Variants in SH3BP4 observed in about 807,000 individuals in gnomAD.
The protein encoded by SH3BP4 is SH3 domain binding protein 4.
Under a neutral mutation model 65.5 loss-of-function variants are expected in SH3BP4, and 33 were observed. The observed-to-expected ratio is 0.50, with a 90% confidence interval of 0.38 to 0.67. SH3BP4 has a LOEUF of 0.67. Ranked by LOEUF, SH3BP4 falls within the 30% of genes least tolerant of loss-of-function variation. The probability of loss-of-function intolerance (pLI) is 0.00; values close to 1 mark genes in which losing one functional copy is unlikely to be tolerated. For missense variants in SH3BP4, 1,134 were observed against 1,261.4 expected (o/e 0.90, Z 1.53); for synonymous variants, 552 against 545.5 (o/e 1.01, Z -0.17).
Position 234,976,558 on chromosome 2 carries a change from G to A in SH3BP4, c.-206-18745G>A, listed in dbSNP as rs921683634. Among the ~76,000 whole-genome samples the A allele has an allele frequency of 1.6e-4, 25 of 152,204 alleles. No homozygotes were observed. The highest frequency in any genetic ancestry group is 8.3e-4 in the South Asian group (4 of 4,812). On this transcript the variant is annotated intron_variant, in intron 1 of 5. Transcript: ENST00000392011. This position sits in a 1 kb window ranked among gnomAD's most constrained non-coding sequence, Gnocchi z 4.7. ...TAAATACAGAAGCCGATGTTTACCC[G>A]CCTCTGGTAGCGGACATAGGGGCAT... is the stretch of plus-strand genomic sequence containing the variant.
At position 234,977,386 on chromosome 2, in the gene SH3BP4, C is replaced by G. The variant is rs1217196525; in HGVS notation, c.-206-17917C>G. 6.6e-6 allele frequency among the ~76,000 whole-genome samples: 1 copy of G among 152,240 alleles called. No homozygotes were observed. Among genetic ancestry groups the G allele is most frequent in the African/African-American group, 2.4e-5 (1 of 41,458 alleles). On this transcript the variant is annotated intron_variant, in intron 1 of 5. Transcript: ENST00000392011. This position sits in a 1 kb window ranked among gnomAD's most constrained non-coding sequence, Gnocchi z 5.1. ...CCAACAGCACATCCTTTGTTCTCTCCAGCCCAGACGTGTAGAGGTGAGCCA... is the reference window on the plus strand; with the variant it reads ...CCAACAGCACATCCTTTGTTCTCTCGAGCCCAGACGTGTAGAGGTGAGCCA...
Position 235,041,988 on chromosome 2 carries a change from A to G in SH3BP4, c.1219A>G (p.Ser407Gly). The G allele has an allele frequency of 1.2e-6, 2 of 1,613,348 alleles. No individual in the cohort carries two copies. Among genetic ancestry groups the G allele is most frequent in the Non-Finnish European group, 8.5e-7 (1 of 1,179,408 alleles). The change falls in exon 4 of 6, where the codon AGC becomes GGC. Residue 407 changes from serine to glycine, a missense_variant. Physicochemically the swap from Ser to Gly is moderately conservative, Grantham distance 56. Coordinates refer to ENST00000392011, the MANE Select transcript of SH3BP4 (RefSeq NM_014521.3). This position sits in a 1 kb window ranked among gnomAD's most constrained non-coding sequence, Gnocchi z 6.0. The part of the protein sequence containing the change: ...VSAEIKNDLF[S>G]KSTVGLQCLR... ...AGCCGAGATAAAAAATGACCTTTTT[A>G]GCAAAAGCACAGTGGGCCTCCAGTG...
chr2:235,017,808 G>A (rs1559245716), intron 2 of SH3BP4, among the ~76,000 whole-genome samples: 1 of 152,136 alleles, frequency 6.6e-6, no homozygotes, highest in Non-Finnish European at 1.5e-5. Flanking sequence ...CATTAAATCT[G>A]TAATGAATTA....
At chr2:235,024,113 A>AATTC (rs1340274251) in intron 2 of SH3BP4, among the ~76,000 whole-genome samples, 2 of 152,316 alleles carry the variant, frequency 1.3e-5, no homozygotes, top group East Asian at 3.9e-4. Flanking sequence ...TCAGTAAGGA[A>AATTC]ATTCATTCAT....
intron 1 of SH3BP4, among the ~76,000 whole-genome samples, chr2:234,954,586 T>C (rs1203048228): frequency 3.3e-5 from 5 of 152,196 alleles, no homozygotes. Context: ...CTTCCTGGCT[T>C]TTCTCCCTTG....
chr2:234,993,112 T>C (rs1693803695), intron 1 of SH3BP4, among the ~76,000 whole-genome samples: 1 of 152,210 alleles, frequency 6.6e-6, no homozygotes, highest in South Asian at 2.1e-4. Flanking sequence ...GTGGGGCTTG[T>C]TGTCCCTGCC....
intron 1 of SH3BP4, among the ~76,000 whole-genome samples, chr2:234,980,121 G>A (rs1358984264): frequency 6.6e-6 from 1 of 152,198 alleles, no homozygotes; most frequent in East Asian, 1.9e-4. Flanking sequence ...TGTAGTTGTA[G>A]TTCATCTGTT....
chr2:235,053,118 T>C (rs955833032), intron 5 of SH3BP4, among the ~76,000 whole-genome samples: 1 of 152,244 alleles, frequency 6.6e-6, no homozygotes, highest in Non-Finnish European at 1.5e-5. Flanking sequence ...CCTGGTATGT[T>C]ACATAACTTG....
chr2:234,976,033 T>G lies in SH3BP4; in HGVS notation c.-206-19270T>G, dbSNP rs552841065. Among the ~76,000 whole-genome samples the G allele has an allele frequency of 2.2e-3, 331 of 152,264 alleles. No individual in the cohort carries two copies. Among genetic ancestry groups the G allele is most frequent in the African/African-American group, 7.5e-3 (311 of 41,556 alleles). On this transcript the variant is annotated intron_variant, in intron 1 of 5. Coordinates refer to ENST00000392011, the MANE Select transcript of SH3BP4 (RefSeq NM_014521.3). This position sits in a 1 kb window ranked among gnomAD's most constrained non-coding sequence, Gnocchi z 4.7. ...CTCGTCAGCCCCATAGAAACTGAGC[T>G]CTCCAAATTGAACGAGGACCCCAGA...
chr2:234,957,389 C>T (rs931474532), intron 1 of SH3BP4, among the ~76,000 whole-genome samples: 2 of 151,946 alleles, frequency 1.3e-5, no homozygotes, highest in African/African-American at 4.8e-5. Flanking sequence ...CCAAGAAGAG[C>T]TGGGTCCTGC....
At position 235,035,718 on chromosome 2, in the gene SH3BP4, T is replaced by C. The variant is rs567698968; in HGVS notation, c.118+598T>C. 3.3e-5 allele frequency among the ~76,000 whole-genome samples: 5 copies of C among 152,316 alleles called. No individual in the cohort carries two copies. The South Asian group carries it at 1.0e-3, about 32-fold the overall frequency. ...CCTGATCTAGAAGGTGGTTCTAAAG[T>C]TTAATAACCCTGGGTCTCTGGGTTT... On this transcript the variant is annotated intron_variant, in intron 3 of 5. Transcript: ENST00000392011. This position sits in a 1 kb window ranked among gnomAD's most constrained non-coding sequence, Gnocchi z 5.0.
At chr2:234,986,465 A>G (rs1450126662) in intron 1 of SH3BP4, among the ~76,000 whole-genome samples, 1 of 152,244 alleles carries the variant, frequency 6.6e-6, no homozygotes, top group East Asian at 1.9e-4. Flanking sequence ...TGATTTTATA[A>G]CCTGCCATGG....
intron 1 of SH3BP4, among the ~76,000 whole-genome samples, chr2:234,964,654 G>C (rs1574774872): frequency 6.6e-6 from 1 of 152,264 alleles, no homozygotes; most frequent in African/African-American, 2.4e-5. Context: ...TGGGTTCTGG[G>C]CAGGGTGGCT....
chr2:235,022,371 T>A (rs1425549321), intron 2 of SH3BP4, among the ~76,000 whole-genome samples: 1 of 152,084 alleles, frequency 6.6e-6, no homozygotes, highest in Non-Finnish European at 1.5e-5. Context: ...CTGGCCAACA[T>A]GGTGAAAACC....
chr2:234,968,541 A>G (rs1373143331), intron 1 of SH3BP4, among the ~76,000 whole-genome samples: 4 of 152,210 alleles, frequency 2.6e-5, no homozygotes, highest in Middle Eastern at 3.4e-3. Flanking sequence ...TATTCCTTGG[A>G]TACTTGCAAA....
At position 235,030,477 on chromosome 2, in the gene SH3BP4, C is replaced by T. The variant is rs890586490; in HGVS notation, c.-132-4394C>T. Among the ~76,000 whole-genome samples the T allele has an allele frequency of 1.3e-5, 2 of 152,136 alleles. No individual in the cohort carries two copies. The highest frequency in any genetic ancestry group is 2.4e-5 in the African/African-American group (1 of 41,422). On this transcript the variant is annotated intron_variant, in intron 2 of 5. Coordinates refer to ENST00000392011, the MANE Select transcript of SH3BP4 (RefSeq NM_014521.3). The surrounding 1 kb of genome is among the most constrained non-coding windows in gnomAD (Gnocchi z 4.1). ...GGATGGTGCCTGGTGGAGCTATGAG[C>T]GCAGCCTGTGCTGTAAGGGGAGGAC...
At position 234,997,518 on chromosome 2, in the gene SH3BP4, G is replaced by A. The variant is rs1693959707; in HGVS notation, c.-133+2142G>A. ...AAATGCTCCCTGACTCAGTTCCTGA[G>A]ACCAGAATGACTGAGGAAACAGGAG... On this transcript the variant is annotated intron_variant, in intron 2 of 5. Coordinates refer to ENST00000392011, the MANE Select transcript of SH3BP4 (RefSeq NM_014521.3). The surrounding 1 kb of genome is among the most constrained non-coding windows in gnomAD (Gnocchi z 4.2). Among the ~76,000 whole-genome samples the A allele has an allele frequency of 6.6e-6, 1 of 152,206 alleles. No homozygotes were observed. The highest frequency in any genetic ancestry group is 1.5e-5 in the Non-Finnish European group (1 of 68,030).
chr2:234,996,628 G>A (rs1363422535), intron 2 of SH3BP4, among the ~76,000 whole-genome samples: 3 of 152,328 alleles, frequency 2.0e-5, no homozygotes, highest in Non-Finnish European at 2.9e-5. Flanking sequence ...GTCTCTTTGG[G>A]CTGCGGTGAA....
At chr2:234,964,366 T>A (rs900952932) in intron 1 of SH3BP4, among the ~76,000 whole-genome samples, 3 of 152,192 alleles carry the variant, frequency 2.0e-5, no homozygotes, top group African/African-American at 7.2e-5. Flanking sequence ...CACGCTTTAA[T>A]GCCTTTTAAT....
Sources: gnomAD v4.1 joint callset for allele counts (sites outside exome capture counted in the v4.1 genomes callset) on GRCh38, gnomAD v4.1.1 for gene constraint, Gnocchi (gnomAD v3.1) non-coding constraint, MANE v1.5 for transcripts, NCBI Gene and HGNC (gene_info 2026-07-23, HGNC 2026-07-21) for gene names.